The following CASQ2 variants were observed in gnomAD, a reference collection of about 807,000 sequenced individuals.
The protein encoded by CASQ2 is calsequestrin-2.
Under a neutral mutation model 46.5 loss-of-function variants are expected in CASQ2, and 49 were observed. The observed-to-expected ratio is 1.05, with a 90% CI of 0.84 to 1.34. The LOEUF (loss-of-function observed/expected upper bound fraction) is 1.34. Ranked by LOEUF, CASQ2 falls within the 40% of genes most tolerant of loss-of-function variation. The pLI is 0.00. For synonymous variants in CASQ2, 174 were observed against 168.5 expected (o/e 1.03, Z -0.25); for missense variants, 486 against 481.3 (o/e 1.01, Z -0.09).
At chr1:115,739,920 C>T (rs1458477146) in intron 3 of CASQ2, among the ~76,000 whole-genome samples, 1 of 152,186 alleles carries the variant, frequency 6.6e-6, no homozygotes, top group African/African-American at 2.4e-5. Flanking sequence ...CCCCTCTCAA[C>T]TTTTTTAGGG....
At chr1:115,757,722 A>G (rs546676459) in intron 1 of CASQ2, among the ~76,000 whole-genome samples, 1 of 152,308 alleles carries the variant, frequency 6.6e-6, no homozygotes, top group East Asian at 1.9e-4. Context: ...GCTTAAAAAA[A>G]ATCAATTTTA....
At chr1:115,729,494 G>T (rs975911900) in intron 5 of CASQ2, among the ~76,000 whole-genome samples, 2 of 152,108 alleles carry the variant, frequency 1.3e-5, no homozygotes, top group African/African-American at 4.8e-5. Flanking sequence ...GAGGAGATCT[G>T]GTTCATGGGT....
intron 8 of CASQ2, among the ~76,000 whole-genome samples, chr1:115,708,831 G>A (rs527764255): frequency 9.2e-5 from 14 of 152,258 alleles, no homozygotes; most frequent in African/African-American, 1.2e-4. Context: ...TTGGATCCAC[G>A]TGGTACATGC....
intron 8 of CASQ2, among the ~76,000 whole-genome samples, chr1:115,709,261 C>T (rs1654467846): frequency 6.6e-6 from 1 of 152,210 alleles, no homozygotes; most frequent in South Asian, 2.1e-4. Context: ...GAAACGTTCT[C>T]TGTGGATCCT....
At chr1:115,743,233 A>ATTTATTTT (rs1383393652) in intron 2 of CASQ2, among the ~76,000 whole-genome samples, 1 of 150,800 alleles carries the variant, frequency 6.6e-6, no homozygotes, top group African/African-American at 2.4e-5. Flanking sequence ...TTATTTATTT[A>ATTTATTTT]TTCATTCATT....
intron 1 of CASQ2, among the ~76,000 whole-genome samples, chr1:115,751,459 G>A (rs1648577863): frequency 6.6e-6 from 1 of 151,994 alleles, no homozygotes; most frequent in Admixed American, 6.6e-5. Context: ...ACGAGGTCAG[G>A]AGATAGAGAT....
At chr1:115,734,425 TCTTGGAGAGCTGGTCTACATCA>T (rs1416649451) in intron 4 of CASQ2, among the ~76,000 whole-genome samples, 4 of 152,218 alleles carry the variant, frequency 2.6e-5, no homozygotes, top group Non-Finnish European at 5.9e-5. Context: ...TCCCTTCCTC[TCTTGGAGAGCTGGTCTACATCA>T]CTTTAAGATG....
intron 1 of CASQ2, among the ~76,000 whole-genome samples, chr1:115,751,405 C>G (rs959703326): frequency 1.1e-4 from 15 of 141,812 alleles, no homozygotes; most frequent in African/African-American, 3.8e-4. Flanking sequence ...CGCGGTGGCT[C>G]ACGCCTGTAA....
At position 115,700,401 on chromosome 1, in the gene CASQ2, G is replaced by T. The variant is rs998419586; in HGVS notation, c.*840C>A. 6.6e-6 allele frequency: 1 copy of T among 152,646 alleles called. No homozygotes were observed. 9.5% of individuals were successfully genotyped at this position (152,646 alleles called of 1,614,324 possible). On this transcript the variant is annotated 3_prime_UTR_variant, in exon 11 of 11. Transcript: ENST00000261448. Reference sequence around the variant, plus strand: ...GAAGGGGTATTCAGATCCCAGCTTAGGCTAGGAAGCCAGCTGACCCAATCA... The same window carrying T: ...GAAGGGGTATTCAGATCCCAGCTTATGCTAGGAAGCCAGCTGACCCAATCA...
chr1:115,739,395 A>ATG (rs1648100162), intron 3 of CASQ2, among the ~76,000 whole-genome samples: 1 of 151,914 alleles, frequency 6.6e-6, no homozygotes, highest in African/African-American at 2.4e-5. Context: ...GATTACAGGC[A>ATG]TGAGCCACCA....
chr1:115,723,316 T>TCTATCTATCTAA (rs1412668291), intron 7 of CASQ2, among the ~76,000 whole-genome samples: 3 of 151,792 alleles, frequency 2.0e-5, no homozygotes, highest in Non-Finnish European at 4.4e-5. Flanking sequence ...TATCTATCTA[T>TCTATCTATCTAA]CTATCTATCT....
At chr1:115,725,419 G>A (rs1156345015) in intron 7 of CASQ2, 89 bp downstream of exon 7, 2 of 1,465,880 alleles carry the variant, frequency 1.4e-6, no homozygotes, top group Non-Finnish European at 1.9e-6. Context: ...AATAAACTTG[G>A]TTTGAGTTTG....
chr1:115,743,616 A>G (rs1033532037), intron 2 of CASQ2, among the ~76,000 whole-genome samples: 2 of 152,156 alleles, frequency 1.3e-5, no homozygotes, highest in Admixed American at 6.5e-5. Context: ...ATAAAATAGA[A>G]AACAGTTGTC....
intron 8 of CASQ2, among the ~76,000 whole-genome samples, chr1:115,706,851 G>A (rs1557785564): frequency 6.6e-6 from 1 of 152,036 alleles, no homozygotes. Context: ...CTTGGTAAAA[G>A]TTTTTTTCTA....
chr1:115,716,800 T>C lies in CASQ2; in HGVS notation c.838+1040A>G, dbSNP rs74741479. 7.9e-3 allele frequency among the ~76,000 whole-genome samples: 1,201 copies of C among 152,294 alleles called. 20 individuals are homozygous for C. The highest frequency in any genetic ancestry group is 0.028 in the African/African-American group (1,147 of 41,542). On this transcript the variant is annotated intron_variant, in intron 8 of 10. Transcript: ENST00000261448. ...TTCACTGTGTACTACCCCAGGATAA[T>C]GTAGCCCTTGTCACAAGACTTGTTG...
At chr1:115,722,158 G>A (rs1032598563) in intron 7 of CASQ2, among the ~76,000 whole-genome samples, 2 of 152,162 alleles carry the variant, frequency 1.3e-5, no homozygotes, top group Admixed American at 6.5e-5. Context: ...TAGGGTTCCT[G>A]GGTAAGACAT....
At chr1:115,743,416 A>T (rs911580770) in intron 2 of CASQ2, among the ~76,000 whole-genome samples, 1 of 151,826 alleles carries the variant, frequency 6.6e-6, no homozygotes, top group African/African-American at 2.4e-5. Context: ...GCTAATTTTT[A>T]AATTTTTTGT....
rs528761232 is a variant in CASQ2 at position 115,700,323 on chromosome 1, G to A, written c.*918C>T. On this transcript the variant is annotated 3_prime_UTR_variant, in exon 11 of 11. Transcript: ENST00000261448. ...CTGATAACTGGAGAGTTAATTGACT[G>A]CTGGATAAAGCAATCTTTAATCTAA... 5 of 152,574 alleles carry A rather than the reference G, an allele frequency of 3.3e-5. No individual in the cohort carries two copies. The highest frequency in any genetic ancestry group is 1.2e-4 in the African/African-American group (5 of 41,516). The allele number at this position is 152,574 out of a possible 1,614,324, so 9.5% of individuals were successfully genotyped here.
At chr1:115,706,330 A>G (rs1401110673) in intron 8 of CASQ2, among the ~76,000 whole-genome samples, 1 of 152,184 alleles carries the variant, frequency 6.6e-6, no homozygotes, top group Non-Finnish European at 1.5e-5. Flanking sequence ...AAACTCAGGC[A>G]AATGAAAAGA....
Sources: allele counts gnomAD v4.1 joint callset (sites outside exome capture counted in the v4.1 genomes callset), GRCh38; gene constraint gnomAD v4.1.1; transcripts MANE v1.5; gene names NCBI Gene and HGNC (gene_info 2026-07-23, HGNC 2026-07-21).